Variants in STS observed in about 807,000 individuals in gnomAD.
STS encodes the protein steryl-sulfatase.
STS carries 7 observed loss-of-function variants against 26.8 expected under a neutral mutation model. That is an observed-to-expected ratio of 0.26 (90% CI 0.15 to 0.49). The LOEUF is 0.49. Ranked by LOEUF, STS falls within the 20% of genes least tolerant of loss-of-function variation. STS has a pLI of 0.98. For missense variants in STS, 434 were observed against 465.6 expected (o/e 0.93, Z 0.63); for synonymous variants, 199 against 189.4 (o/e 1.05, Z -0.42).
intron 1 of STS, among the ~76,000 whole-genome samples, chrX:7,154,397 G>A (rs1031432103): frequency 8.9e-6 from 1 of 112,498 alleles, no homozygotes; most frequent in Admixed American, 9.4e-5. Context: ...AGAGTGATTC[G>A]TTTATGGTTA....
intron 10 of STS, among the ~76,000 whole-genome samples, chrX:7,347,720 C>T (rs1928589725): frequency 8.9e-6 from 1 of 111,798 alleles, no homozygotes; most frequent in African/African-American, 3.3e-5. Flanking sequence ...TCTAGATTTG[C>T]ATCATTGGGA....
intron 2 of STS, among the ~76,000 whole-genome samples, chrX:7,246,454 A>G (rs1421249381): frequency 7.3e-5 from 6 of 82,427 alleles, no homozygotes; most frequent in East Asian, 4.0e-4. Context: ...GGTACCCGCC[A>G]CCACACCCGG....
intron 10 of STS, among the ~76,000 whole-genome samples, chrX:7,343,604 C>T (rs1928388722): frequency 8.9e-6 from 1 of 111,849 alleles, no homozygotes; most frequent in African/African-American, 3.3e-5. Flanking sequence ...CCCAGCATCA[C>T]GTATGTAAGA....
At chrX:7,322,080 A>G (rs1927060284) in intron 8 of STS, among the ~76,000 whole-genome samples, 1 of 112,633 alleles carries the variant, frequency 8.9e-6, no homozygotes, top group South Asian at 3.7e-4. Flanking sequence ...AAATTTATTC[A>G]CGTGCGTGGA....
chrX:7,255,163 A>G (rs1173251691), intron 3 of STS, among the ~76,000 whole-genome samples: 1 of 112,319 alleles, frequency 8.9e-6, no homozygotes, highest in Non-Finnish European at 1.9e-5. Context: ...TTATTTTTTT[A>G]AGAGTATATT....
At chrX:7,186,175 A>G (rs1486500414) in intron 1 of STS, among the ~76,000 whole-genome samples, 1 of 112,915 alleles carries the variant, frequency 8.9e-6, no homozygotes, top group Non-Finnish European at 1.9e-5. Context: ...CCAGTTTACA[A>G]CAGTCAATAT....
At chrX:7,210,909 T>TTA (rs1203908231) in intron 2 of STS, among the ~76,000 whole-genome samples, 2 of 110,788 alleles carry the variant, frequency 1.8e-5, no homozygotes, top group Non-Finnish European at 3.8e-5. Flanking sequence ...ATTTTGTTTT[T>TTA]TATATATATA....
intron 2 of STS, among the ~76,000 whole-genome samples, chrX:7,206,865 G>T (rs1920953725): frequency 8.9e-6 from 1 of 112,155 alleles, no homozygotes; most frequent in Admixed American, 9.4e-5. Flanking sequence ...AGACACAATT[G>T]ATATTCTTTT....
chrX:7,247,961 AATTTAGTGAATATTT>A (rs1922964388), intron 2 of STS, among the ~76,000 whole-genome samples: 1 of 112,109 alleles, frequency 8.9e-6, no homozygotes, highest in Non-Finnish European at 1.9e-5. Context: ...TCAATTAAGT[AATTTAGTGAATATTT>A]ATTCACTCGC....
chrX:7,250,520 A>G (rs1453799897), intron 2 of STS, among the ~76,000 whole-genome samples: 1 of 111,868 alleles, frequency 8.9e-6, no homozygotes, highest in East Asian at 2.8e-4. Context: ...GGCATTGTAT[A>G]ACTGGATTAT....
At chrX:7,191,667 G>T (rs1484155247) in intron 2 of STS, among the ~76,000 whole-genome samples, 1 of 111,539 alleles carries the variant, frequency 9.0e-6, no homozygotes, top group Non-Finnish European at 1.9e-5. Context: ...TGGAGGTGGG[G>T]TCTGAGGGCA....
Position 7,319,977 on chromosome X carries a change from TG to T in STS, c.1082-5361del, listed in dbSNP as rs1394509135. On this transcript the variant is annotated intron_variant, in intron 8 of 10. Transcript: ENST00000674429. ...TATTTATATATATATTTTATATATA[TG>T]TATATATATTTATATATATATTTTT... Among the ~76,000 whole-genome samples, 17 of 86,954 alleles carry T rather than the reference TG, an allele frequency of 2.0e-4. No individual in the cohort carries two copies. The East Asian group carries it at 2.8e-3, about 14-fold the overall frequency. The allele number at this position is 86,954 out of a possible 115,157, so 75.5% of individuals were successfully genotyped here.
At chrX:7,235,121 T>C (rs1922252808) in intron 2 of STS, among the ~76,000 whole-genome samples, 1 of 111,742 alleles carries the variant, frequency 8.9e-6, no homozygotes, top group Non-Finnish European at 1.9e-5. Context: ...CTGTGATGAG[T>C]GGTTCATAGC....
chrX:7,285,620 A>G lies in STS; in HGVS notation c.943+9533A>G, dbSNP rs61440441. On this transcript the variant is annotated intron_variant, in intron 7 of 10. Transcript: ENST00000674429. ...AGATAAATATCAGAAAAAGACATTG[A>G]TTATACCAATTTATTGTATCAGTTC... is the stretch of plus-strand genomic sequence containing the variant. 9.0e-3 allele frequency among the ~76,000 whole-genome samples: 1,011 copies of G among 112,051 alleles called. 14 individuals carry two copies. Among genetic ancestry groups the G allele is most frequent in the African/African-American group, 0.03 (940 of 30,930 alleles).
At chrX:7,322,960 G>A (rs1927115278) in intron 8 of STS, among the ~76,000 whole-genome samples, 1 of 111,944 alleles carries the variant, frequency 8.9e-6, no homozygotes, top group Non-Finnish European at 1.9e-5. Context: ...TAGGCACCAA[G>A]CCTGTTTCCT....
chrX:7,179,016 C>T (rs1933629363), intron 1 of STS, among the ~76,000 whole-genome samples: 2 of 109,770 alleles, frequency 1.8e-5, no homozygotes, highest in Admixed American at 9.7e-5. Flanking sequence ...CTTTCTCTGT[C>T]CTTCTCATGA....
intron 10 of STS, among the ~76,000 whole-genome samples, chrX:7,342,824 G>A (rs1415560429): frequency 9.8e-5 from 11 of 111,921 alleles, no homozygotes; most frequent in Non-Finnish European, 2.1e-4. Context: ...GCTCAGGTAT[G>A]GACACACTGT....
chrX:7,235,454 A>T (rs1173167966), intron 2 of STS, among the ~76,000 whole-genome samples: 2 of 111,729 alleles, frequency 1.8e-5, no homozygotes, highest in Admixed American at 9.5e-5. Context: ...GAAACCTTGA[A>T]CCTTCTTCAG....
intron 2 of STS, among the ~76,000 whole-genome samples, chrX:7,228,388 T>C (rs1224238678): frequency 8.9e-6 from 1 of 112,011 alleles, no homozygotes; most frequent in African/African-American, 3.2e-5. Flanking sequence ...CACTTGTCTC[T>C]TGTTTTTTGT....
Sources: gnomAD v4.1 joint callset for allele counts (sites outside exome capture counted in the v4.1 genomes callset) on GRCh38, gnomAD v4.1.1 for gene constraint, MANE v1.5 for transcripts, NCBI Gene and HGNC (gene_info 2026-07-23, HGNC 2026-07-21) for gene names.